TSPAN15: variants seen among roughly 807,000 people sequenced by gnomAD.
TSPAN15 encodes the protein tetraspanin-15.
TSPAN15 carries 20 observed loss-of-function variants against 34.5 expected under a neutral mutation model. The observed-to-expected ratio is 0.58, with a 90% CI of 0.41 to 0.84. TSPAN15 has a LOEUF of 0.84. Ranked by LOEUF, TSPAN15 falls within the 40% of genes least tolerant of loss-of-function variation. The probability of loss-of-function intolerance (pLI) is 0.00; values close to 1 mark genes in which losing one functional copy is unlikely to be tolerated. For synonymous variants in TSPAN15, 155 were observed against 153.9 expected (o/e 1.01, Z -0.05); for missense variants, 313 against 386.1 (o/e 0.81, Z 1.59).
In TSPAN15 at chr10:69,507,392, C is replaced by G. The variant is rs1169691288; in HGVS notation, c.*414C>G. 2 of 1,224,872 alleles carry G rather than the reference C, an allele frequency of 1.6e-6. No individual in the cohort carries two copies. The highest frequency in any genetic ancestry group is 2.1e-6 in the Non-Finnish European group (2 of 960,592). The allele number at this position is 1,224,872 out of a possible 1,614,324, so 75.9% of individuals were successfully genotyped here. A position where few individuals can be genotyped will look rare whatever the true frequency, so the allele number is the denominator to read the frequency against. ...CCCTCGGGGCAGGAGGGAAGGGCAT[C>G]TGGGGAAGGGCAGGAGGGAAGAGCT... On this transcript the variant is annotated 3_prime_UTR_variant, in exon 8 of 8. Transcript: ENST00000373290.
rs551560999 is a variant in TSPAN15, at chr10:69,495,482, G to A, written c.358-112G>A. The A allele has an allele frequency of 1.0e-4, 76 of 743,032 alleles. 1 individual carries two copies. Among genetic ancestry groups the A allele is most frequent in the South Asian group, 4.7e-4 (28 of 59,794 alleles). The allele number at this position is 743,032 out of a possible 1,614,324, so 46.0% of individuals were successfully genotyped here. Reference sequence around the variant, plus strand: ...GGAGGGGGCTCCATGCTGGCTGGGCGCGAGCTGCATTGGCACAAGGCATTC... The same window carrying A: ...GGAGGGGGCTCCATGCTGGCTGGGCACGAGCTGCATTGGCACAAGGCATTC... On this transcript the variant is annotated intron_variant, in intron 3 of 7. Coordinates refer to ENST00000373290, the MANE Select transcript of TSPAN15 (RefSeq NM_012339.5).
At chr10:69,547,364 C>A in the TSPAN15 span, among the ~76,000 whole-genome samples, 1 of 152,182 alleles carries the variant, frequency 6.6e-6, no homozygotes, top group Non-Finnish European at 1.5e-5. Context: ...TATTTGATAT[C>A]ATCTATGAAC....
intron 1 of TSPAN15, among the ~76,000 whole-genome samples, chr10:69,461,944 C>A (rs1476119494): frequency 1.4e-5 from 2 of 138,924 alleles, no homozygotes; most frequent in Non-Finnish European, 3.1e-5. Context: ...ATCACCAGAG[C>A]TTCTGATTCA....
chr10:69,477,732 C>G (rs1335790934), intron 1 of TSPAN15, among the ~76,000 whole-genome samples: 1 of 152,220 alleles, frequency 6.6e-6, no homozygotes, highest in African/African-American at 2.4e-5. Context: ...CCCTTTCCCC[C>G]CAGTTCTTCA....
At chr10:69,509,533 T>G (rs1033810854), downstream of TSPAN15, among the ~76,000 whole-genome samples, 1 of 152,166 alleles carries the variant, frequency 6.6e-6, no homozygotes, top group African/African-American at 2.4e-5. Context: ...TTCTGTAGGT[T>G]GCCTGTTCAC....
the TSPAN15 span, among the ~76,000 whole-genome samples, chr10:69,539,530 AAGAAGAAGG>A: frequency 2.4e-4 from 25 of 102,502 alleles, no homozygotes; most frequent in African/African-American, 3.8e-4. Context: ...GAAGAAGAAG[AAGAAGAAGG>A]AGAAGGAGAA....
chr10:69,530,102 T>C, the TSPAN15 span, among the ~76,000 whole-genome samples: 14 of 148,020 alleles, frequency 9.5e-5, 2 homozygotes, highest in Admixed American at 2.8e-4. Flanking sequence ...TATCCACTCA[T>C]TGGTTGATGG....
intron 1 of TSPAN15, among the ~76,000 whole-genome samples, chr10:69,462,155 G>GTTTTTTTTTTTTTTTTTT (rs755068937): frequency 3.6e-5 from 3 of 82,702 alleles, no homozygotes; most frequent in African/African-American, 1.4e-4. Flanking sequence ...TAATTTTAAA[G>GTTTTTTTTTTTTTTTTTT]TTTTTTTTTT....
At chr10:69,470,838 C>G (rs910674170) in intron 1 of TSPAN15, among the ~76,000 whole-genome samples, 4 of 152,182 alleles carry the variant, frequency 2.6e-5, no homozygotes, top group African/African-American at 7.2e-5. Context: ...AGAGTCCCCT[C>G]CTGATCAGCC....
chr10:69,456,419 C>A (rs1198318509), intron 1 of TSPAN15, among the ~76,000 whole-genome samples: 2 of 152,048 alleles, frequency 1.3e-5, no homozygotes, highest in Admixed American at 6.6e-5. Context: ...ATTTCTTTTC[C>A]TTTTTTTCCC....
the TSPAN15 span, among the ~76,000 whole-genome samples, chr10:69,547,199 C>CT: frequency 6.6e-6 from 1 of 151,162 alleles, no homozygotes; most frequent in African/African-American, 2.4e-5. Flanking sequence ...GAGACTCCAT[C>CT]TCAAAAAAAA....
At position 69,504,422 on chromosome 10, in the gene TSPAN15, T is replaced by C; in HGVS notation, c.571-16T>C. Reference sequence around the variant, plus strand: ...GAACCATTATAAATATTAGCTATTATACATTTCCATTTCAGACAGAAGTTG... The same window carrying C: ...GAACCATTATAAATATTAGCTATTACACATTTCCATTTCAGACAGAAGTTG... On this transcript the variant is annotated splice_polypyrimidine_tract_variant and intron_variant, in intron 5 of 7. Coordinates refer to ENST00000373290, the MANE Select transcript of TSPAN15 (RefSeq NM_012339.5). 6.2e-7 allele frequency: 1 copy of C among 1,611,700 alleles called. No individual in the cohort carries two copies. Among genetic ancestry groups the C allele is most frequent in the Middle Eastern group, 1.7e-4 (1 of 6,050 alleles).
intron 1 of TSPAN15, among the ~76,000 whole-genome samples, chr10:69,459,000 A>T (rs1201382388): frequency 6.6e-6 from 1 of 151,408 alleles, no homozygotes; most frequent in Non-Finnish European, 1.5e-5. Context: ...CAACCTGATA[A>T]GGGACTGATA....
At chr10:69,467,144 G>A (rs184944858) in intron 1 of TSPAN15, among the ~76,000 whole-genome samples, 2,492 of 152,292 alleles carry the variant, frequency 0.016, 68 homozygotes, top group African/African-American at 0.055. Context: ...GGTGACAAGA[G>A]ACCCTCCTTC....
the TSPAN15 span, among the ~76,000 whole-genome samples, chr10:69,516,222 C>A: frequency 3.3e-5 from 5 of 152,226 alleles, no homozygotes; most frequent in South Asian, 1.0e-3. Flanking sequence ...AAAGGCAGGG[C>A]CTTTATGATT....
At chr10:69,477,422 A>T (rs1474102774) in intron 1 of TSPAN15, among the ~76,000 whole-genome samples, 2 of 152,090 alleles carry the variant, frequency 1.3e-5, no homozygotes, top group African/African-American at 4.8e-5. Context: ...CACCTTTTTC[A>T]TAAGGATGGG....
Position 69,506,219 on chromosome 10 carries a change from C to T in TSPAN15, c.714C>T (p.Leu238=), listed in dbSNP as rs768379140. 1 of 1,614,166 alleles carries T rather than the reference C, an allele frequency of 6.2e-7. No individual in the cohort carries two copies. The highest frequency in any genetic ancestry group is 1.1e-5 in the South Asian group (1 of 91,080). ...ACTACACCATCATGGCGGGCATCCTCCTGGGCATCCTGCTTCCCCAGGTGG... is the reference window on the plus strand; with the variant it reads ...ACTACACCATCATGGCGGGCATCCTTCTGGGCATCCTGCTTCCCCAGGTGG... The part of the protein sequence containing the change: ...MDNYTIMAGI[L]LGILLPQFLG... The change falls in exon 7 of 8, where the codon CTC becomes CTT. Residue 238 remains leucine (L), a synonymous_variant. Coordinates refer to ENST00000373290, the MANE Select transcript of TSPAN15 (RefSeq NM_012339.5). The surrounding 1 kb of genome is among the most constrained non-coding windows in gnomAD (Gnocchi z 4.7).
chr10:69,542,539 T>A, the TSPAN15 span, among the ~76,000 whole-genome samples: 2 of 152,334 alleles, frequency 1.3e-5, no homozygotes, highest in Admixed American at 1.3e-4. Context: ...GAAAGAGGTT[T>A]AATTGACTCA....
intron 1 of TSPAN15, among the ~76,000 whole-genome samples, chr10:69,479,396 C>G (rs1393253057): frequency 2.0e-5 from 3 of 152,248 alleles, no homozygotes; most frequent in African/African-American, 4.8e-5. Context: ...CATGCTGGGC[C>G]ACAGGGCTCC....
Sources: allele counts gnomAD v4.1 joint callset (sites outside exome capture counted in the v4.1 genomes callset), GRCh38; gene constraint gnomAD v4.1.1; non-coding constraint Gnocchi (gnomAD v3.1); transcripts MANE v1.5; gene names NCBI Gene and HGNC (gene_info 2026-07-23, HGNC 2026-07-21).